The following ZDHHC6 variants were observed in gnomAD, a reference collection of about 807,000 sequenced individuals.
ZDHHC6 encodes the protein zDHHC palmitoyltransferase 6, also known as palmitoyltransferase ZDHHC6.
ZDHHC6 carries 32 observed loss-of-function variants against 57.8 expected under a neutral mutation model. That is an observed-to-expected ratio of 0.55 (90% CI 0.42 to 0.74). The LOEUF (loss-of-function observed/expected upper bound fraction) is 0.74. Among genes scored for constraint, ZDHHC6 ranks in the 30% least tolerant of loss-of-function variants. The probability of loss-of-function intolerance (pLI) is 0.00; values close to 1 mark genes in which losing one functional copy is unlikely to be tolerated. For missense variants in ZDHHC6, 433 were observed against 500.7 expected (o/e 0.86, Z 1.29); for synonymous variants, 128 against 158.0 (o/e 0.81, Z 1.42).
Position 112,445,417 on chromosome 10 carries a change from A to G in ZDHHC6, c.20T>C (p.Val7Ala). 1 of 1,614,180 alleles carries G rather than the reference A, an allele frequency of 6.2e-7. No homozygotes were observed. Among genetic ancestry groups the G allele is most frequent in the South Asian group, 1.1e-5 (1 of 91,084 alleles). ...TTCTTGTAGATTTTCAAACTTGATAACCGAACAGAATGTACCCATTTTGGC... is the reference window on the plus strand; with the variant it reads ...TTCTTGTAGATTTTCAAACTTGATAGCCGAACAGAATGTACCCATTTTGGC... MGTFCS[V>A]IKFENLQELK... is the part of the protein sequence containing the mutation. The change falls in exon 2 of 11, where the codon GTT (valine) becomes GCT (alanine). Residue 7 changes from valine to alanine, a missense_variant. By Grantham distance (64) the Val-to-Ala change is moderately conservative. Transcript: ENST00000369405.
At chr10:112,425,382 G>A (rs1451439039), downstream of ZDHHC6, 2 of 1,613,062 alleles carry the variant, frequency 1.2e-6, no homozygotes, top group Non-Finnish European at 1.7e-6. Context: ...ACATTTTCAA[G>A]CTGGCCCAAG....
chr10:112,428,264 C>T (rs532643604), downstream of ZDHHC6: 3 of 387,652 alleles, frequency 7.7e-6, no homozygotes, highest in African/African-American at 6.2e-5. Context: ...TGTGAAGGAA[C>T]CAACTGATCT....
At chr10:112,425,315 A>ATAC, downstream of ZDHHC6, 3 of 1,586,800 alleles carry the variant, frequency 1.9e-6, no homozygotes, top group Non-Finnish European at 2.6e-6. Flanking sequence ...AAAAATACTG[A>ATAC]TACTTTTATC....
At chr10:112,438,972 T>C (rs896734652) in intron 5 of ZDHHC6, among the ~76,000 whole-genome samples, 12 of 152,216 alleles carry the variant, frequency 7.9e-5, no homozygotes, top group East Asian at 1.9e-4. Context: ...ATTAGAGGCA[T>C]TGGGGAAAAT....
intron 5 of ZDHHC6, 89 bp downstream of exon 5, chr10:112,440,445 T>C: frequency 7.4e-7 from 1 of 1,347,304 alleles, no homozygotes; most frequent in South Asian, 1.8e-5. Context: ...CATTTCATAC[T>C]GGACACTTAA....
chr10:112,427,126 T>C, downstream of ZDHHC6: 5 of 1,350,798 alleles, frequency 3.7e-6, no homozygotes, highest in South Asian at 5.7e-5. Flanking sequence ...TTTCACTGCA[T>C]CAACCTCACT....
Position 112,434,366 on chromosome 10 carries a change from C to G in ZDHHC6, c.834G>C (p.Trp278Cys), listed in dbSNP as rs747843465. The G allele has an allele frequency of 3.3e-5, 53 of 1,613,832 alleles. No individual in the cohort carries two copies. The highest frequency in any genetic ancestry group is 4.4e-5 in the Non-Finnish European group (52 of 1,179,898). ...GTCCATCTCCTTCAGGGACCCCTGACCACGTAAATACCTGTTTAAAGTTCC... is the reference window on the plus strand; with the variant it reads ...GTCCATCTCCTTCAGGGACCCCTGAGCACGTAAATACCTGTTTAAAGTTCC... ...RWRNFKQVFT[W>C]SGVPEGDGLE... Residue 278 changes from tryptophan (W) to cysteine (C), a missense_variant, in exon 7 of 11, where the codon TGG (tryptophan) becomes TGC (cysteine). By Grantham distance (215) the Trp-to-Cys change is radical. Transcript: ENST00000369405.
chr10:112,432,198 C>G, intron 10 of ZDHHC6, 42 bp downstream of exon 10: 2 of 1,556,382 alleles, frequency 1.3e-6, no homozygotes, highest in Middle Eastern at 2.2e-4. Flanking sequence ...GGAATTATTG[C>G]TAATAGTCTT....
At chr10:112,429,971 G>T (rs1177499936), downstream of ZDHHC6, among the ~76,000 whole-genome samples, 1 of 151,518 alleles carries the variant, frequency 6.6e-6, no homozygotes, top group Non-Finnish European at 1.5e-5. Context: ...GTTGTTGGGG[G>T]GGGGGTGTGG....
At chr10:112,428,631 C>T (rs1231084700), downstream of ZDHHC6, among the ~76,000 whole-genome samples, 6 of 151,946 alleles carry the variant, frequency 3.9e-5, no homozygotes, top group Admixed American at 6.6e-5. Context: ...ACTAGCTGGG[C>T]GTGGTGGCGG....
chr10:112,437,328 G>A (rs1019160618), intron 6 of ZDHHC6, among the ~76,000 whole-genome samples: 1 of 152,178 alleles, frequency 6.6e-6, no homozygotes, highest in Non-Finnish European at 1.5e-5. Context: ...AATGACCGAT[G>A]CCTGATGTTA....
At chr10:112,429,195 A>T (rs1844854375), downstream of ZDHHC6, among the ~76,000 whole-genome samples, 1 of 152,230 alleles carries the variant, frequency 6.6e-6, no homozygotes, top group Non-Finnish European at 1.5e-5. Context: ...GGTAGGCAGG[A>T]ATTAACTTTT....
At chr10:112,447,050 A>C, upstream of ZDHHC6, 3 of 309,654 alleles carry the variant, frequency 9.7e-6, no homozygotes, top group South Asian at 5.8e-5. Context: ...CGAAGGGGGG[A>C]AAAAACGCTT....
chr10:112,425,463 A>G (rs1844633208), downstream of ZDHHC6: 1 of 1,612,888 alleles, frequency 6.2e-7, no homozygotes, highest in Non-Finnish European at 8.5e-7. Flanking sequence ...AAATTTTTGT[A>G]CACGGGGAGA....
chr10:112,431,008 T>TA, intron 10 of ZDHHC6, 101 bp from the exon 11 acceptor site: 2 of 924,230 alleles, frequency 2.2e-6, no homozygotes, highest in Non-Finnish European at 3.3e-6. Flanking sequence ...AGCTTGTAGT[T>TA]AGACTTTTAT....
chr10:112,433,039 G>A (rs1845185634), intron 8 of ZDHHC6, among the ~76,000 whole-genome samples: 1 of 152,044 alleles, frequency 6.6e-6, no homozygotes, highest in Non-Finnish European at 1.5e-5. Context: ...AATATAAATG[G>A]ACTAAATTCC....
chr10:112,439,944 A>G (rs1394095319), intron 5 of ZDHHC6, among the ~76,000 whole-genome samples: 1 of 152,128 alleles, frequency 6.6e-6, no homozygotes, highest in African/African-American at 2.4e-5. Flanking sequence ...AAAGTGCCTA[A>G]AACAGTGCCT....
upstream of ZDHHC6, chr10:112,447,495 G>A (rs1213637501): frequency 1.9e-6 from 3 of 1,609,694 alleles, no homozygotes; most frequent in East Asian, 4.5e-5. Context: ...CTGGACGAGG[G>A]TGCTGGGGAG....
chr10:112,447,341 G>A (rs746457702), upstream of ZDHHC6: 1 of 1,606,124 alleles, frequency 6.2e-7, no homozygotes, highest in East Asian at 2.2e-5. Context: ...CCTGACCTAG[G>A]CTTTGGCCTG....
Sources: allele counts gnomAD v4.1 joint callset (sites outside exome capture counted in the v4.1 genomes callset), GRCh38; gene constraint gnomAD v4.1.1; transcripts MANE v1.5; gene names NCBI Gene and HGNC (gene_info 2026-07-23, HGNC 2026-07-21).